Variants in ZNF438 observed in about 807,000 individuals in gnomAD.
ZNF438 encodes zinc finger protein 438.
ZNF438 carries 25 observed loss-of-function variants against 38.0 expected under a neutral mutation model. That is an observed-to-expected ratio of 0.66 (90% CI 0.48 to 0.92). The LOEUF (loss-of-function observed/expected upper bound fraction) is 0.92. Among genes scored for constraint, ZNF438 ranks in the 40% least tolerant of loss-of-function variants. The probability of loss-of-function intolerance (pLI) is 0.00; values close to 1 mark genes in which losing one functional copy is unlikely to be tolerated. For synonymous variants in ZNF438, 372 were observed against 364.1 expected, an observed-to-expected ratio of 1.02 and a Z score of -0.25; for missense variants, 1,007 against 999.6, an observed-to-expected ratio of 1.01 and a Z score of -0.10.
At chr10:30,974,466 G>A (rs746650462) in intron 1 of ZNF438, among the ~76,000 whole-genome samples, 2 of 152,144 alleles carry the variant, frequency 1.3e-5, no homozygotes, top group African/African-American at 4.8e-5. Flanking sequence ...GAGTAAAATC[G>A]TTTCAAGAAA....
intron 4 of ZNF438, among the ~76,000 whole-genome samples, chr10:30,857,078 T>G (rs538015600): frequency 6.6e-6 from 1 of 152,314 alleles, no homozygotes; most frequent in South Asian, 2.1e-4. Context: ...AAAGTCCACA[T>G]AACCCAGAGC....
intron 1 of ZNF438, among the ~76,000 whole-genome samples, chr10:30,997,056 A>C (rs1208169402): frequency 3.3e-5 from 5 of 152,176 alleles, no homozygotes; most frequent in Admixed American, 2.0e-4. Context: ...AATACCCAGA[A>C]AGACATTTGT....
At chr10:30,874,530 AC>A (rs1273248284) in intron 4 of ZNF438, among the ~76,000 whole-genome samples, 2 of 146,250 alleles carry the variant, frequency 1.4e-5, no homozygotes, top group African/African-American at 5.6e-5. Context: ...TTAATCTAAG[AC>A]ATACAGAAAG....
At chr10:30,985,043 G>T (rs915770209) in intron 1 of ZNF438, among the ~76,000 whole-genome samples, 12 of 152,158 alleles carry the variant, frequency 7.9e-5, no homozygotes, top group Non-Finnish European at 1.5e-4. Flanking sequence ...TGAGATGCAT[G>T]TGCAATGAAG....
At chr10:30,978,191 T>A (rs993176748) in intron 1 of ZNF438, among the ~76,000 whole-genome samples, 2 of 152,208 alleles carry the variant, frequency 1.3e-5, no homozygotes, top group Admixed American at 6.5e-5. Flanking sequence ...ACTGGAAATG[T>A]ACACCAATTC....
chr10:30,952,892 C>T (rs2135840026), intron 1 of ZNF438, among the ~76,000 whole-genome samples: 1 of 33,282 alleles, frequency 3.0e-5, no homozygotes, highest in African/African-American at 1.2e-4. Flanking sequence ...CCCAGCCATC[C>T]CATTACTGGG....
chr10:30,949,494 T>C (rs1393227994), intron 1 of ZNF438, among the ~76,000 whole-genome samples: 1 of 152,184 alleles, frequency 6.6e-6, no homozygotes, highest in African/African-American at 2.4e-5. Context: ...GTGTGCTGTA[T>C]TCAGGAAACC....
intron 1 of ZNF438, among the ~76,000 whole-genome samples, chr10:30,992,416 CTT>C (rs60965540): frequency 2.1e-5 from 3 of 141,664 alleles, no homozygotes; most frequent in Non-Finnish European, 1.5e-5. Context: ...TCTGAATCTT[CTT>C]TTTTTTTTTT....
intron 1 of ZNF438, among the ~76,000 whole-genome samples, chr10:31,022,352 C>T (rs1222831661): frequency 1.3e-5 from 2 of 152,068 alleles, no homozygotes; most frequent in Non-Finnish European, 2.9e-5. Context: ...ACCTCTGCCT[C>T]CGAGGTTCAA....
intron 1 of ZNF438, among the ~76,000 whole-genome samples, chr10:31,020,624 T>C (rs2056524473): frequency 6.6e-6 from 1 of 152,152 alleles, no homozygotes; most frequent in African/African-American, 2.4e-5. Context: ...TAAAGGAGGT[T>C]GCATTCCCAA....
At chr10:30,886,533 G>A (rs995653314) in intron 3 of ZNF438, among the ~76,000 whole-genome samples, 2 of 152,102 alleles carry the variant, frequency 1.3e-5, no homozygotes, top group Non-Finnish European at 2.9e-5. Flanking sequence ...ACCAAACGTC[G>A]TAACTTAGCC....
chr10:30,989,443 C>T (rs1340256527), intron 1 of ZNF438, among the ~76,000 whole-genome samples: 1 of 152,200 alleles, frequency 6.6e-6, no homozygotes, highest in Admixed American at 6.5e-5. Context: ...GATTCTATGG[C>T]CACATCTTCC....
At chr10:30,909,401 T>C (rs937791172) in intron 2 of ZNF438, among the ~76,000 whole-genome samples, 1 of 152,194 alleles carries the variant, frequency 6.6e-6, no homozygotes, top group Non-Finnish European at 1.5e-5. Flanking sequence ...GAAAATTACA[T>C]GACTTTCCAA....
intron 1 of ZNF438, among the ~76,000 whole-genome samples, chr10:31,030,611 T>C (rs965891763): frequency 5.3e-5 from 8 of 152,210 alleles, no homozygotes; most frequent in African/African-American, 1.9e-4. Context: ...AGTTAACGAA[T>C]AGAACAAAAA....
At chr10:30,973,002 C>G (rs1327316196) in intron 1 of ZNF438, among the ~76,000 whole-genome samples, 5 of 152,132 alleles carry the variant, frequency 3.3e-5, no homozygotes, top group Admixed American at 2.6e-4. Flanking sequence ...ATACAGAAAG[C>G]ACATGTATCA....
intron 3 of ZNF438, among the ~76,000 whole-genome samples, chr10:30,899,213 T>C (rs753084127): frequency 3.3e-5 from 5 of 152,136 alleles, no homozygotes; most frequent in Non-Finnish European, 7.4e-5. Flanking sequence ...TGAGTTAACT[T>C]TGAATGGTAT....
intron 4 of ZNF438, among the ~76,000 whole-genome samples, chr10:30,855,751 T>C (rs896277079): frequency 6.6e-6 from 1 of 152,190 alleles, no homozygotes; most frequent in Non-Finnish European, 1.5e-5. Flanking sequence ...TCTGGAATAC[T>C]CTCCAAGATG....
chr10:30,985,893 C>G (rs537042170), intron 1 of ZNF438, among the ~76,000 whole-genome samples: 5 of 152,140 alleles, frequency 3.3e-5, no homozygotes, highest in Non-Finnish European at 5.9e-5. Context: ...TATAGTCATC[C>G]ACTGCATGAT....
At chr10:30,967,381 G>T (rs1315481284) in intron 1 of ZNF438, among the ~76,000 whole-genome samples, 1 of 152,208 alleles carries the variant, frequency 6.6e-6, no homozygotes, top group East Asian at 1.9e-4. Context: ...CAGTTAAGCT[G>T]CTTTGCATCT....
Sources: gnomAD v4.1 joint callset for allele counts (sites outside exome capture counted in the v4.1 genomes callset) on GRCh38, gnomAD v4.1.1 for gene constraint, MANE v1.5 for transcripts, NCBI Gene and HGNC (gene_info 2026-07-23, HGNC 2026-07-21) for gene names.